AKAP19: variants seen among roughly 807,000 people sequenced by gnomAD.
AKAP19 encodes small A-kinase anchoring protein.
At chr2:189,915,611 A>G in the AKAP19 span, among the ~76,000 whole-genome samples, 9 of 152,150 alleles carry the variant, frequency 5.9e-5, no homozygotes, top group African/African-American at 2.2e-4. Context: ...CATTTCTTAG[A>G]GGGTTTTAAG....
At chr2:189,880,349 C>T in the AKAP19 span, among the ~76,000 whole-genome samples, 1 of 152,112 alleles carries the variant, frequency 6.6e-6, no homozygotes, top group African/African-American at 2.4e-5. Context: ...CTTTTGCAAA[C>T]CAAAAAGCAT....
the AKAP19 span, among the ~76,000 whole-genome samples, chr2:190,142,598 T>C: frequency 1.3e-5 from 2 of 152,188 alleles, 1 homozygote; most frequent in Admixed American, 1.3e-4. Flanking sequence ...AAATCTTATA[T>C]GCCAGTAAAC....
At chr2:190,093,030 T>C in the AKAP19 span, among the ~76,000 whole-genome samples, 2 of 152,190 alleles carry the variant, frequency 1.3e-5, no homozygotes, top group African/African-American at 4.8e-5. Flanking sequence ...ATGATGCTTT[T>C]CTGGACCACA....
At chr2:189,962,506 A>G in the AKAP19 span, among the ~76,000 whole-genome samples, 1 of 152,246 alleles carries the variant, frequency 6.6e-6, no homozygotes, top group African/African-American at 2.4e-5. Flanking sequence ...TGGAAAAGAA[A>G]AAACAAGAAC....
the AKAP19 span, among the ~76,000 whole-genome samples, chr2:190,100,958 C>T: frequency 6.6e-6 from 1 of 152,094 alleles, no homozygotes; most frequent in Non-Finnish European, 1.5e-5. Context: ...CTCCAAGCAC[C>T]CCAGGCTGAG....
At chr2:190,000,834 A>G in the AKAP19 span, among the ~76,000 whole-genome samples, 1 of 152,158 alleles carries the variant, frequency 6.6e-6, no homozygotes. Flanking sequence ...TATGTAGATT[A>G]ATGGATATTT....
At chr2:190,086,469 C>T in the AKAP19 span, among the ~76,000 whole-genome samples, 1 of 152,192 alleles carries the variant, frequency 6.6e-6, no homozygotes, top group East Asian at 1.9e-4. Flanking sequence ...TCAAAGACCT[C>T]AAGGAAGATG....
the AKAP19 span, among the ~76,000 whole-genome samples, chr2:189,963,251 T>C: frequency 6.7e-6 from 1 of 149,260 alleles, no homozygotes; most frequent in Non-Finnish European, 1.5e-5. Flanking sequence ...TGGAGTGCAG[T>C]GGCCGCGATC....
At chr2:190,020,612 T>C in the AKAP19 span, among the ~76,000 whole-genome samples, 143 of 152,304 alleles carry the variant, frequency 9.4e-4, 2 homozygotes, top group Admixed American at 9.3e-3. Context: ...CTTTAACCTG[T>C]TTTTAACTAT....
chr2:189,973,187 C>T, the AKAP19 span, among the ~76,000 whole-genome samples: 1 of 152,140 alleles, frequency 6.6e-6, no homozygotes. Context: ...GAGTTTTTAG[C>T]ATAAAGGGCT....
chr2:190,009,735 T>A, the AKAP19 span, among the ~76,000 whole-genome samples: 4 of 152,002 alleles, frequency 2.6e-5, no homozygotes, highest in African/African-American at 9.7e-5. Context: ...TTTAAAGCCA[T>A]GAGACTGGAA....
At chr2:190,018,355 TTC>T in the AKAP19 span, among the ~76,000 whole-genome samples, 1 of 152,164 alleles carries the variant, frequency 6.6e-6, no homozygotes, top group African/African-American at 2.4e-5. Flanking sequence ...CGTTTTGGTC[TTC>T]TGCATAGATG....
At chr2:189,973,002 A>G in the AKAP19 span, among the ~76,000 whole-genome samples, 2 of 152,328 alleles carry the variant, frequency 1.3e-5, no homozygotes, top group East Asian at 1.9e-4. Flanking sequence ...TGCCCTGGCC[A>G]GAACTTCCAA....
chr2:190,121,669 T>G, the AKAP19 span, among the ~76,000 whole-genome samples: 1 of 152,206 alleles, frequency 6.6e-6, no homozygotes, highest in African/African-American at 2.4e-5. Flanking sequence ...TAATATTACA[T>G]GAAGCTCATT....
At chr2:190,160,599 C>T in the AKAP19 span, among the ~76,000 whole-genome samples, 1 of 151,984 alleles carries the variant, frequency 6.6e-6, no homozygotes, top group African/African-American at 2.4e-5. Context: ...TAATTCTTTC[C>T]CATTTAATGA....
chr2:189,985,446 A>G, the AKAP19 span, among the ~76,000 whole-genome samples: 1 of 152,244 alleles, frequency 6.6e-6, no homozygotes, highest in East Asian at 1.9e-4. Context: ...AGCTGGTTGC[A>G]GAAGAAGAGT....
chr2:189,957,690 T>A, the AKAP19 span, among the ~76,000 whole-genome samples: 2 of 152,234 alleles, frequency 1.3e-5, no homozygotes, highest in South Asian at 4.1e-4. Flanking sequence ...TTTTTCAATT[T>A]TGATAACAGC....
chr2:190,114,105 C>T, the AKAP19 span, among the ~76,000 whole-genome samples: 3 of 152,172 alleles, frequency 2.0e-5, no homozygotes, highest in African/African-American at 7.2e-5. Flanking sequence ...ATTGATATCT[C>T]AGTCTTTTCC....
At chr2:190,023,520 A>T in the AKAP19 span, among the ~76,000 whole-genome samples, 4 of 152,030 alleles carry the variant, frequency 2.6e-5, no homozygotes, top group Non-Finnish European at 5.9e-5. Flanking sequence ...GCTAATGTTC[A>T]CTCTAAGAGA....
Sources: allele counts gnomAD v4.1 joint callset (sites outside exome capture counted in the v4.1 genomes callset), GRCh38; gene constraint gnomAD v4.1.1; transcripts MANE v1.5; gene names NCBI Gene and HGNC (gene_info 2026-07-23, HGNC 2026-07-21).